The following GDA variants were observed in gnomAD, a reference collection of about 807,000 sequenced individuals.
GDA encodes cytoplasmic PSD-95 interactor.
A neutral mutation model predicts 59.6 loss-of-function variants in GDA; 18 were observed. The observed-to-expected ratio is 0.30, with a 90% CI of 0.21 to 0.45. The LOEUF is 0.45. GDA is among the 20% of genes least tolerant of loss of function. The pLI, the probability that GDA is intolerant of heterozygous loss-of-function variation, is 1.00. For missense variants in GDA, 427 were observed against 552.3 expected (o/e 0.77, Z 2.27); for synonymous variants, 201 against 201.1 (o/e 1.00, Z 0.00).
At chr9:72,207,772 T>G (rs1028945599) in intron 3 of GDA, among the ~76,000 whole-genome samples, 3 of 152,198 alleles carry the variant, frequency 2.0e-5, no homozygotes, top group Non-Finnish European at 4.4e-5. Context: ...TTTTGACTTT[T>G]GGGGCTAACC....
intron 1 of GDA, among the ~76,000 whole-genome samples, chr9:72,133,133 C>CA (rs1373454847): frequency 6.6e-6 from 1 of 151,088 alleles, no homozygotes; most frequent in African/African-American, 2.4e-5. Context: ...TACTAAAATA[C>CA]AAAAAAATTA....
intron 1 of GDA, among the ~76,000 whole-genome samples, chr9:72,167,445 C>G (rs557804554): frequency 4.9e-4 from 75 of 152,148 alleles, no homozygotes; most frequent in Middle Eastern, 3.4e-3. Flanking sequence ...TTACCTGAAC[C>G]CTTAGCAGTT....
chr9:72,258,422 G>A (rs184392816), downstream of GDA, among the ~76,000 whole-genome samples: 520 of 152,286 alleles, frequency 3.4e-3, 2 homozygotes, highest in Middle Eastern at 6.8e-3. Context: ...AGATGACTTC[G>A]TGGACTGGAG....
At chr9:72,167,396 G>C (rs80180990) in intron 1 of GDA, among the ~76,000 whole-genome samples, 1 of 152,012 alleles carries the variant, frequency 6.6e-6, no homozygotes, top group South Asian at 2.1e-4. Flanking sequence ...GCCAATAATC[G>C]TTGTCTCAGT....
chr9:72,167,861 G>A (rs890930355), intron 1 of GDA, among the ~76,000 whole-genome samples: 2 of 152,144 alleles, frequency 1.3e-5, no homozygotes, highest in Non-Finnish European at 2.9e-5. Context: ...TCAAAGCTTA[G>A]CATTTTAGTA....
intron 11 of GDA, among the ~76,000 whole-genome samples, chr9:72,243,828 A>G (rs938139853): frequency 2.0e-5 from 3 of 152,218 alleles, no homozygotes; most frequent in African/African-American, 7.2e-5. Context: ...TCGATTCAAT[A>G]TTTTCACATG....
chr9:72,159,409 GA>G (rs968820685), intron 1 of GDA, among the ~76,000 whole-genome samples: 13 of 149,432 alleles, frequency 8.7e-5, no homozygotes, highest in Admixed American at 5.3e-4. Flanking sequence ...AAGAAAAAGA[GA>G]AAAAAAAATG....
intron 1 of GDA, among the ~76,000 whole-genome samples, chr9:72,178,065 A>G (rs1219853595): frequency 1.3e-5 from 2 of 152,222 alleles, no homozygotes; most frequent in Non-Finnish European, 2.9e-5. Context: ...ACTGCTGGGA[A>G]GCAAGGAAGC....
At chr9:72,214,063 A>G in intron 5 of GDA, 72 bp downstream of exon 5, 1 of 852,972 alleles carries the variant, frequency 1.2e-6, no homozygotes, top group Non-Finnish European at 2.0e-6. Context: ...TTAGAGATGG[A>G]AAAAGGAAAC....
chr9:72,174,508 G>C (rs1010395117), intron 1 of GDA, among the ~76,000 whole-genome samples: 2 of 152,188 alleles, frequency 1.3e-5, no homozygotes, highest in Non-Finnish European at 1.5e-5. Context: ...CAGCTGGAAA[G>C]GATTTAAGCC....
chr9:72,152,501 A>T (rs1344353357), intron 1 of GDA, among the ~76,000 whole-genome samples: 1 of 152,218 alleles, frequency 6.6e-6, no homozygotes, highest in Admixed American at 6.5e-5. Context: ...GTGAGCTGAT[A>T]TCTCATTGTG....
At chr9:72,246,479 C>T (rs1246893498) in intron 12 of GDA, among the ~76,000 whole-genome samples, 1 of 152,146 alleles carries the variant, frequency 6.6e-6, no homozygotes, top group African/African-American at 2.4e-5. Context: ...GACATAGGTG[C>T]CTTCATAAGG....
chr9:72,250,901 A>C lies in GDA; in HGVS notation c.*2559A>C. On this transcript the variant is annotated 3_prime_UTR_variant, in exon 14 of 14. Coordinates refer to ENST00000358399, the MANE Select transcript of GDA (RefSeq NM_004293.5). ...TTCACAAAATATTTTTGCAACCAGA[A>C]CACAAAAGCAGGCTAGTCAGCTAAG... is the stretch of plus-strand genomic sequence containing the variant. 7.0e-7 allele frequency: 1 copy of C among 1,424,386 alleles called. No individual in the cohort carries two copies. The highest frequency in any genetic ancestry group is 9.8e-7 in the Non-Finnish European group (1 of 1,018,030). The allele number at this position is 1,424,386 out of a possible 1,614,324, so 88.2% of individuals were successfully genotyped here. A position where few individuals can be genotyped will look rare whatever the true frequency, so the allele number is the denominator to read the frequency against.
intron 1 of GDA, among the ~76,000 whole-genome samples, chr9:72,175,150 A>G (rs1453058016): frequency 6.6e-6 from 1 of 152,082 alleles, no homozygotes; most frequent in East Asian, 1.9e-4. Flanking sequence ...ATGGGAAACC[A>G]TTGCCATTGA....
chr9:72,155,060 G>A (rs570356088), intron 1 of GDA, among the ~76,000 whole-genome samples: 13 of 152,260 alleles, frequency 8.5e-5, no homozygotes, highest in Middle Eastern at 3.4e-3. Flanking sequence ...TCAAACTTGC[G>A]ATGTGAACAA....
chr9:72,151,882 C>T (rs1193410670), intron 1 of GDA, among the ~76,000 whole-genome samples: 1 of 152,140 alleles, frequency 6.6e-6, no homozygotes, highest in South Asian at 2.1e-4. Context: ...GGATTACAGG[C>T]GTGAGCCACC....
intron 6 of GDA, among the ~76,000 whole-genome samples, chr9:72,221,388 G>A (rs1465571340): frequency 6.6e-6 from 1 of 152,156 alleles, no homozygotes; most frequent in Non-Finnish European, 1.5e-5. Context: ...GGGTGCTGAA[G>A]AAGATACCCT....
At chr9:72,242,651 A>C (rs1209500713) in intron 11 of GDA, among the ~76,000 whole-genome samples, 2 of 152,204 alleles carry the variant, frequency 1.3e-5, no homozygotes, top group Non-Finnish European at 2.9e-5. Flanking sequence ...ATTTCAAGAA[A>C]AGCAAATACA....
chr9:72,204,194 C>T lies in GDA; in HGVS notation c.384+1452C>T, dbSNP rs562528795. ...TTGTGGATCTTACATATTTAGCATG[C>T]ACCACATGACACTAGAAAAGCTGAG... On this transcript the variant is annotated intron_variant, in intron 3 of 13. Transcript: ENST00000358399. Among the ~76,000 whole-genome samples the T allele has an allele frequency of 2.6e-5, 4 of 152,246 alleles. No homozygotes were observed. The East Asian group carries it at 7.7e-4, about 29-fold the overall frequency.
Sources: allele counts gnomAD v4.1 joint callset (sites outside exome capture counted in the v4.1 genomes callset), GRCh38; gene constraint gnomAD v4.1.1; transcripts MANE v1.5; gene names NCBI Gene and HGNC (gene_info 2026-07-23, HGNC 2026-07-21).